The following ZNF608 variants were observed in gnomAD, a reference collection of about 807,000 sequenced individuals.
The protein encoded by ZNF608 is zinc finger protein 608.
ZNF608 carries 12 observed loss-of-function variants against 109.0 expected under a neutral mutation model. The ratio of observed to expected loss-of-function variants is 0.11; its 90% CI spans 0.07 to 0.18. The LOEUF is 0.18. Ranked by LOEUF, ZNF608 falls within the 10% of genes least tolerant of loss-of-function variation. The probability of loss-of-function intolerance (pLI) is 1.00; values close to 1 mark genes in which losing one functional copy is unlikely to be tolerated. For missense variants in ZNF608, 1,707 were observed against 1,879.3 expected (o/e 0.91, Z 1.70); for synonymous variants, 732 against 717.4 (o/e 1.02, Z -0.33).
At chr5:124,694,142 A>ATTTTTTTTTT (rs11320730) in intron 3 of ZNF608, among the ~76,000 whole-genome samples, 2,079 of 63,930 alleles carry the variant, frequency 0.033, 1 homozygote, top group East Asian at 0.057. Flanking sequence ...CGCTCGGCTA[A>ATTTTTTTTTT]TTTTTTTTTT....
chr5:124,725,542 C>T (rs1217540585), intron 2 of ZNF608, among the ~76,000 whole-genome samples: 3 of 152,036 alleles, frequency 2.0e-5, no homozygotes, highest in African/African-American at 2.4e-5. Context: ...GCTGTCAGAA[C>T]ACAAAATGGC....
At chr5:124,694,068 C>G (rs1310259662) in intron 3 of ZNF608, among the ~76,000 whole-genome samples, 3 of 139,712 alleles carry the variant, frequency 2.1e-5, no homozygotes, top group Non-Finnish European at 4.5e-5. Context: ...CTCTGCCTCC[C>G]GGTTTCACGC....
At chr5:124,694,093 A>C (rs991507059) in intron 3 of ZNF608, among the ~76,000 whole-genome samples, 11 of 136,198 alleles carry the variant, frequency 8.1e-5, no homozygotes, top group South Asian at 7.3e-4. Context: ...CTCCTGCCTC[A>C]GCCTCCTGAG....
Position 124,744,330 on chromosome 5 carries a change from G to T in ZNF608, c.660C>A (p.Gly220=). ...SRKDKHDLLQ[G]HQNGSGSQAP... ...CCTGGCTGCCACTGCCATTCTGGTG[G>T]CCCTGAAGCAGGTCGTGCTTGTCCT... is the stretch of plus-strand genomic sequence containing the variant. Residue 220 remains glycine (G), a synonymous_variant, in exon 2 of 10, where the codon GGC becomes GGA. Transcript: ENST00000513986. The surrounding 1 kb of genome is among the most constrained non-coding windows in gnomAD (Gnocchi z 4.5). 6.2e-7 allele frequency: 1 copy of T among 1,614,208 alleles called. No homozygotes were observed. Among genetic ancestry groups the T allele is most frequent in the South Asian group, 1.1e-5 (1 of 91,084 alleles).
chr5:124,700,857 C>CA (rs1324380498), intron 3 of ZNF608, among the ~76,000 whole-genome samples, 157 bp downstream of exon 3: 2 of 152,196 alleles, frequency 1.3e-5, no homozygotes, highest in African/African-American at 2.4e-5. Context: ...AGAAGACAAA[C>CA]ACGGCTCTTA....
At chr5:124,694,860 G>A (rs1325931126) in intron 3 of ZNF608, among the ~76,000 whole-genome samples, 1 of 151,882 alleles carries the variant, frequency 6.6e-6, no homozygotes, top group Non-Finnish European at 1.5e-5. Context: ...TCAGAATGAC[G>A]GGAACCATCC....
chr5:124,649,789 A>AG, intron 3 of ZNF608, 92 bp from the exon 4 acceptor site: 1 of 769,048 alleles, frequency 1.3e-6, no homozygotes, highest in Admixed American at 3.6e-5. Context: ...TTTTTTTGCC[A>AG]GCAAGTTCTA....
At chr5:124,733,647 CT>C (rs1012279618) in intron 2 of ZNF608, among the ~76,000 whole-genome samples, 22 of 152,272 alleles carry the variant, frequency 1.4e-4, no homozygotes, top group African/African-American at 4.8e-4. Flanking sequence ...GAGCATTTCA[CT>C]ACAGGGCCAC....
At chr5:124,638,997 G>A (rs1191518844) in intron 9 of ZNF608, 136 bp downstream of exon 9, 14 of 889,008 alleles carry the variant, frequency 1.6e-5, no homozygotes, top group Non-Finnish European at 2.4e-5. Context: ...ACTTATATTG[G>A]CATAATAAAC....
chr5:124,694,226 C>T (rs1397447482), intron 3 of ZNF608, among the ~76,000 whole-genome samples: 1 of 145,958 alleles, frequency 6.9e-6, no homozygotes, highest in Non-Finnish European at 1.5e-5. Flanking sequence ...ATCTCCTGAC[C>T]TCCTGATCCG....
At chr5:124,731,507 A>G (rs1178766309) in intron 2 of ZNF608, among the ~76,000 whole-genome samples, 1 of 150,686 alleles carries the variant, frequency 6.6e-6, no homozygotes. Flanking sequence ...CACCGCGCCC[A>G]GCCAACTGAC....
intron 3 of ZNF608, among the ~76,000 whole-genome samples, chr5:124,693,664 C>T (rs1752706300): frequency 6.6e-6 from 1 of 152,154 alleles, no homozygotes; most frequent in South Asian, 2.1e-4. Flanking sequence ...CTGAATCCTA[C>T]TCAACAGCAG....
intron 2 of ZNF608, among the ~76,000 whole-genome samples, chr5:124,733,144 A>G (rs1748981348): frequency 6.6e-6 from 1 of 151,142 alleles, no homozygotes; most frequent in Admixed American, 6.6e-5. Flanking sequence ...GGATTTGGCG[A>G]CCAAGTAAAT....
At position 124,644,324 on chromosome 5, in the gene ZNF608, G is replaced by A. The variant is rs749938557; in HGVS notation, c.4043C>T (p.Ala1348Val). 5.0e-6 allele frequency: 8 copies of A among 1,614,058 alleles called. No individual in the cohort carries two copies. Among genetic ancestry groups the A allele is most frequent in the African/African-American group, 1.3e-5 (1 of 74,920 alleles). ...GTCGTACATCTGTGGGTAAGGATAA[G>A]CATGCAAGTACTGTATGTATGACTG... ...QHQSYIQYLH[A>V]YPYPQMYDPS... Residue 1348 changes from alanine to valine, a missense_variant, in exon 6 of 10, where the codon GCT becomes GTT. Around this residue, in one of 7 missense-constraint regions of ZNF608, gnomAD observed 1,073 missense variants for 1,133.5 expected, o/e 0.95. Transcript: ENST00000513986.
At chr5:124,716,927 C>T (rs1016798729) in intron 2 of ZNF608, among the ~76,000 whole-genome samples, 1 of 150,464 alleles carries the variant, frequency 6.6e-6, no homozygotes, top group Non-Finnish European at 1.5e-5. Context: ...TACAAAAATA[C>T]AAAATTAGCC....
intron 2 of ZNF608, among the ~76,000 whole-genome samples, chr5:124,718,608 A>C (rs1051416369): frequency 6.6e-6 from 1 of 152,222 alleles, no homozygotes; most frequent in Non-Finnish European, 1.5e-5. Flanking sequence ...TCACATCAAA[A>C]AGAATATTAA....
At chr5:124,678,490 C>T (rs1047561460) in intron 3 of ZNF608, among the ~76,000 whole-genome samples, 2 of 152,130 alleles carry the variant, frequency 1.3e-5, no homozygotes, top group Non-Finnish European at 1.5e-5. Context: ...TCTAAACAGA[C>T]GGGGGACTTA....
intron 2 of ZNF608, among the ~76,000 whole-genome samples, chr5:124,721,405 A>G (rs554785912): frequency 1.3e-5 from 2 of 152,310 alleles, no homozygotes; most frequent in African/African-American, 4.8e-5. Flanking sequence ...CTGGGGAGAT[A>G]AAAACAAATA....
At chr5:124,653,956 A>C (rs1056288778) in intron 3 of ZNF608, among the ~76,000 whole-genome samples, 1 of 152,116 alleles carries the variant, frequency 6.6e-6, no homozygotes, top group Non-Finnish European at 1.5e-5. Flanking sequence ...CTCCAGCTTC[A>C]TCACTGATAG....
Sources: gnomAD v4.1 joint callset for allele counts (sites outside exome capture counted in the v4.1 genomes callset) on GRCh38, gnomAD v4.1.1 for gene constraint, gnomAD v4.1.1 regional missense constraint, Gnocchi (gnomAD v3.1) non-coding constraint, MANE v1.5 for transcripts, NCBI Gene and HGNC (gene_info 2026-07-23, HGNC 2026-07-21) for gene names.